R3HDM1: variants seen among roughly 807,000 people sequenced by gnomAD.
The protein encoded by R3HDM1 is R3H domain containing 1.
Under a neutral mutation model 141.1 loss-of-function variants are expected in R3HDM1, and 46 were observed. The observed-to-expected ratio is 0.33, with a 90% CI of 0.26 to 0.42. The LOEUF (loss-of-function observed/expected upper bound fraction) is 0.42, where lower values mean the gene tolerates loss of function less well. Among genes scored for constraint, R3HDM1 ranks in the 10% least tolerant of loss-of-function variants. R3HDM1 has a pLI of 1.00. For missense variants in R3HDM1, 1,184 were observed against 1,368.3 expected (o/e 0.87, Z 2.12); for synonymous variants, 435 against 472.9 (o/e 0.92, Z 1.04).
At chr2:135,603,137 G>A (rs190331360) in intron 2 of R3HDM1, among the ~76,000 whole-genome samples, 2 of 152,044 alleles carry the variant, frequency 1.3e-5, no homozygotes, top group Non-Finnish European at 2.9e-5. Context: ...TTGCAGGCAC[G>A]TGCTACCATG....
chr2:135,646,554 A>G (rs2064450649), intron 16 of R3HDM1, among the ~76,000 whole-genome samples: 1 of 151,868 alleles, frequency 6.6e-6, no homozygotes, highest in African/African-American at 2.4e-5. Flanking sequence ...TTTGTATGAA[A>G]GAAGTATGAT....
chr2:135,719,459 C>T (rs2076493021), intron 24 of R3HDM1, among the ~76,000 whole-genome samples: 1 of 149,526 alleles, frequency 6.7e-6, no homozygotes, highest in South Asian at 2.1e-4. Flanking sequence ...GCCTGTGTGA[C>T]AGAGCAAGAC....
chr2:135,663,134 C>CAAAAAAAAAA, intron 19 of R3HDM1, among the ~76,000 whole-genome samples: 1 of 90,882 alleles, frequency 1.1e-5, no homozygotes, highest in Non-Finnish European at 2.7e-5. Context: ...GCCTCTCTGC[C>CAAAAAAAAAA]AAAAAAAAAA....
chr2:135,686,534 G>A (rs2071372473), intron 21 of R3HDM1, among the ~76,000 whole-genome samples: 1 of 152,160 alleles, frequency 6.6e-6, no homozygotes, highest in Non-Finnish European at 1.5e-5. Context: ...CCAGGAGTTT[G>A]AGACCAGCCT....
rs2070005211 is a variant in R3HDM1, at chr2:135,680,164, A to G, written c.2308-9A>G. The G allele has an allele frequency of 6.2e-7, 1 of 1,609,316 alleles. No individual in the cohort carries two copies. Among genetic ancestry groups the G allele is most frequent in the South Asian group, 1.1e-5 (1 of 90,612 alleles). ...CCTTTTTCTCTTGAAATTGTCTTTC[A>G]AATTTTAGGTTTCACTGCCTCAAGG... On this transcript the variant is annotated splice_polypyrimidine_tract_variant and intron_variant, in intron 20 of 26. Transcript: ENST00000683871.
chr2:135,703,739 A>C (rs2074531643), intron 21 of R3HDM1, among the ~76,000 whole-genome samples: 2 of 152,044 alleles, frequency 1.3e-5, no homozygotes, highest in African/African-American at 2.4e-5. Flanking sequence ...TTAAAGGAAA[A>C]CCCAAAAAAT....
intron 25 of R3HDM1, among the ~76,000 whole-genome samples, 166 bp downstream of exon 25, chr2:135,722,172 A>G (rs1168653509): frequency 1.3e-5 from 2 of 152,228 alleles, no homozygotes; most frequent in African/African-American, 2.4e-5. Flanking sequence ...GAGCAGAGCA[A>G]AGGAGAAGAT....
At chr2:135,664,128 A>G (rs2067154205) in intron 19 of R3HDM1, among the ~76,000 whole-genome samples, 2 of 151,736 alleles carry the variant, frequency 1.3e-5, no homozygotes, top group African/African-American at 4.8e-5. Flanking sequence ...TTAACATGAT[A>G]GTTTATTGTT....
chr2:135,556,596 A>C (rs1420306334), intron 1 of R3HDM1, among the ~76,000 whole-genome samples: 1 of 150,116 alleles, frequency 6.7e-6, no homozygotes, highest in Non-Finnish European at 1.5e-5. Context: ...TTGGCTCACT[A>C]CAAGCCCTGA....
intron 1 of R3HDM1, among the ~76,000 whole-genome samples, chr2:135,559,763 A>G (rs1294571431): frequency 1.3e-5 from 2 of 152,204 alleles, no homozygotes; most frequent in Non-Finnish European, 2.9e-5. Flanking sequence ...GTCTATCTCC[A>G]TGAATGTTTG....
chr2:135,674,971 A>T (rs2068935539), intron 19 of R3HDM1, among the ~76,000 whole-genome samples: 4 of 148,526 alleles, frequency 2.7e-5, no homozygotes, highest in Non-Finnish European at 1.5e-5. Context: ...GGCCCTACAT[A>T]TTTTCCATTT....
intron 1 of R3HDM1, among the ~76,000 whole-genome samples, chr2:135,572,959 T>C (rs745475281): frequency 6.6e-6 from 1 of 152,186 alleles, no homozygotes; most frequent in African/African-American, 2.4e-5. Context: ...TAGGTAAATC[T>C]ATAGAGACAG....
intron 6 of R3HDM1, chr2:135,622,438 G>A (rs1431411678): frequency 2.0e-6 from 2 of 983,854 alleles, no homozygotes; most frequent in African/African-American, 1.7e-5. Context: ...AAGAATGTGC[G>A]TGGATATGCA....
At chr2:135,709,601 T>A in intron 22 of R3HDM1, 65 bp downstream of exon 22, 1 of 1,563,996 alleles carries the variant, frequency 6.4e-7, no homozygotes, top group Non-Finnish European at 8.7e-7. Context: ...TTACTTTCCT[T>A]AGGCATTTCT....
In R3HDM1 at chr2:135,631,936, A is replaced by C. The variant is rs1292550249; in HGVS notation, c.633A>C (p.Gly211=). 6.2e-7 allele frequency: 1 copy of C among 1,612,670 alleles called. No homozygotes were observed. The highest frequency in any genetic ancestry group is 8.5e-7 in the Non-Finnish European group (1 of 1,178,856). ...TACACAGAGTAGCCGCTTACTTTGG[A>C]TTAGACCACAATGTTGATCAGAGTG... The part of the protein sequence containing the change: ...MLLHRVAAYF[G]LDHNVDQSGK... The change falls in exon 9 of 27, where the codon GGA becomes GGC. Residue 211 remains glycine (G), a synonymous_variant. Transcript: ENST00000683871.
chr2:135,638,447 A>G (rs1291441446), intron 11 of R3HDM1, among the ~76,000 whole-genome samples, 171 bp from the exon 12 acceptor site: 7 of 152,234 alleles, frequency 4.6e-5, no homozygotes, highest in Non-Finnish European at 1.5e-5. Flanking sequence ...AAAAGTAAGC[A>G]TAGGATCTCC....
intron 19 of R3HDM1, chr2:135,667,778 TC>T: frequency 1.0e-6 from 1 of 976,816 alleles, no homozygotes; most frequent in South Asian, 4.7e-5. Context: ...GATTTTTCTT[TC>T]TCAAACTTGG....
At position 135,561,024 on chromosome 2, in the gene R3HDM1, G is replaced by A. The variant is rs1201688271; in HGVS notation, c.-250+29391G>A. On this transcript the variant is annotated intron_variant, in intron 1 of 26. Transcript: ENST00000683871. ...TAACTTCTGTGCTTGTCACCTGAGT[G>A]GTAACAAATGTATGGTACAACCAAG... 2.0e-5 allele frequency among the ~76,000 whole-genome samples: 3 copies of A among 152,174 alleles called. No homozygotes were observed. The East Asian group carries it at 5.8e-4, about 29-fold the overall frequency.
chr2:135,567,903 CTTTTTTTTTTTT>C (rs562748072), intron 1 of R3HDM1, among the ~76,000 whole-genome samples: 4 of 73,822 alleles, frequency 5.4e-5, no homozygotes, highest in African/African-American at 2.5e-4. Flanking sequence ...CCACACCTGG[CTTTTTTTTTTTT>C]TTTTTTTTTT....
Sources: gnomAD v4.1 joint callset for allele counts (sites outside exome capture counted in the v4.1 genomes callset) on GRCh38, gnomAD v4.1.1 for gene constraint, MANE v1.5 for transcripts, NCBI Gene and HGNC (gene_info 2026-07-23, HGNC 2026-07-21) for gene names.